RNF185: variants seen among roughly 807,000 people sequenced by gnomAD.
RNF185 encodes E3 ubiquitin-protein ligase RNF185.
A neutral mutation model predicts 24.9 loss-of-function variants in RNF185; 13 were observed. That is an observed-to-expected ratio of 0.52 (90% CI 0.34 to 0.83). The LOEUF (loss-of-function observed/expected upper bound fraction) is 0.83, where lower values mean the gene tolerates loss of function less well. Ranked by LOEUF, RNF185 falls within the 40% of genes least tolerant of loss-of-function variation. The pLI is 0.01. For missense variants in RNF185, 184 were observed against 244.7 expected (o/e 0.75, Z 1.65); for synonymous variants, 79 against 90.3 (o/e 0.88, Z 0.71).
At chr22:31,187,300 C>T (rs756388408) in intron 2 of RNF185, 30 bp downstream of exon 2, 47 of 1,610,336 alleles carry the variant, frequency 2.9e-5, no homozygotes, top group Non-Finnish European at 3.8e-5. Context: ...CCCCAGAGAG[C>T]ACATTGCCAA....
intron 1 of RNF185, among the ~76,000 whole-genome samples, chr22:31,177,170 C>A (rs1411410870): frequency 1.3e-5 from 2 of 152,104 alleles, no homozygotes; most frequent in African/African-American, 4.8e-5. Context: ...TATGTACACA[C>A]TTCTGTCAGT....
chr22:31,194,222 A>C (rs9621216), intron 3 of RNF185, among the ~76,000 whole-genome samples: 61,903 of 151,890 alleles, frequency 0.41, 13,851 homozygotes, highest in Middle Eastern at 0.57. Flanking sequence ...TAATGTAACC[A>C]GTGAAAGGGC....
At chr22:31,186,375 G>T (rs992264935) in intron 1 of RNF185, among the ~76,000 whole-genome samples, 1 of 152,168 alleles carries the variant, frequency 6.6e-6, no homozygotes, top group African/African-American at 2.4e-5. Flanking sequence ...ACTGAGGCAG[G>T]TGGATCACCT....
chr22:31,187,065 C>A lies in RNF185; in HGVS notation c.-30C>A. The A allele has an allele frequency of 6.3e-7, 1 of 1,587,078 alleles. No individual in the cohort carries two copies. Among genetic ancestry groups the A allele is most frequent in the Non-Finnish European group, 8.6e-7 (1 of 1,169,350 alleles). ...CTTTTAGGATTTCCCTGGGGAAAGT[C>A]TTCACTCAGAGCTTCGCTGACAGCC... On this transcript the variant is annotated 5_prime_UTR_variant, in exon 2 of 7. Coordinates refer to ENST00000326132, the MANE Select transcript of RNF185 (RefSeq NM_152267.4).
intron 1 of RNF185, among the ~76,000 whole-genome samples, chr22:31,176,649 C>T (rs184995710): frequency 1.2e-4 from 18 of 151,868 alleles, no homozygotes; most frequent in Middle Eastern, 3.4e-3. Context: ...CCACCATGCC[C>T]GGCTAATTTT....
chr22:31,162,916 C>T (rs1376491469), intron 1 of RNF185, among the ~76,000 whole-genome samples: 1 of 151,940 alleles, frequency 6.6e-6, no homozygotes, highest in African/African-American at 2.4e-5. Context: ...AGGCGCCCAC[C>T]CCGATGACTG....
chr22:31,203,288 A>C (rs553416269), intron 6 of RNF185, among the ~76,000 whole-genome samples: 1 of 152,308 alleles, frequency 6.6e-6, no homozygotes, highest in East Asian at 1.9e-4. Context: ...TAAAGCAGAG[A>C]GGAGTGGAGA....
At chr22:31,181,447 G>A (rs2048035656) in intron 1 of RNF185, among the ~76,000 whole-genome samples, 1 of 152,072 alleles carries the variant, frequency 6.6e-6, no homozygotes, top group African/African-American at 2.4e-5. Flanking sequence ...CAACTTCCTT[G>A]TTCTTGTTTC....
chr22:31,175,323 G>A (rs1277195989), intron 1 of RNF185, among the ~76,000 whole-genome samples: 4 of 151,608 alleles, frequency 2.6e-5, no homozygotes, highest in Admixed American at 2.0e-4. Flanking sequence ...ATGTGGTGGC[G>A]CACAGCTGTA....
At chr22:31,174,185 G>T (rs1213930378) in intron 1 of RNF185, among the ~76,000 whole-genome samples, 1 of 152,146 alleles carries the variant, frequency 6.6e-6, no homozygotes, top group African/African-American at 2.4e-5. Context: ...GGCTCAGAAA[G>T]AAAATAACTT....
chr22:31,163,650 A>T (rs886191641), intron 1 of RNF185, among the ~76,000 whole-genome samples: 10 of 123,906 alleles, frequency 8.1e-5, no homozygotes, highest in African/African-American at 3.0e-4. Flanking sequence ...TTAACTTTTT[A>T]TTTTATTTTA....
chr22:31,189,535 G>A (rs2048135448), intron 2 of RNF185, among the ~76,000 whole-genome samples: 1 of 151,228 alleles, frequency 6.6e-6, no homozygotes, highest in Admixed American at 6.6e-5. Context: ...CACCTCAAGT[G>A]ATCTGCCCAC....
At chr22:31,164,335 A>G (rs1323260089) in intron 1 of RNF185, among the ~76,000 whole-genome samples, 1 of 152,184 alleles carries the variant, frequency 6.6e-6, no homozygotes, top group South Asian at 2.1e-4. Flanking sequence ...ATAATTCACA[A>G]ACTTTCTGTA....
chr22:31,201,086 T>C (rs1175019078), intron 5 of RNF185, among the ~76,000 whole-genome samples: 1 of 152,232 alleles, frequency 6.6e-6, no homozygotes, highest in Non-Finnish European at 1.5e-5. Flanking sequence ...AGATAATGTG[T>C]AGCTTGTTTG....
intron 1 of RNF185, among the ~76,000 whole-genome samples, chr22:31,173,513 C>T (rs1205798613): frequency 6.6e-6 from 1 of 151,956 alleles, no homozygotes; most frequent in African/African-American, 2.4e-5. Context: ...GCTGGGTCTG[C>T]GCTTGACAAG....
intron 1 of RNF185, among the ~76,000 whole-genome samples, chr22:31,170,792 G>A (rs2047921272): frequency 6.6e-6 from 1 of 151,952 alleles, no homozygotes; most frequent in South Asian, 2.1e-4. Flanking sequence ...TTACAGGTGT[G>A]AGCCACCACG....
chr22:31,167,100 G>A (rs918345618), intron 1 of RNF185, among the ~76,000 whole-genome samples: 3 of 152,114 alleles, frequency 2.0e-5, no homozygotes, highest in Non-Finnish European at 4.4e-5. Context: ...TTTAAATAAG[G>A]AGCATAGATT....
chr22:31,198,319 T>C (rs1424487989), intron 5 of RNF185, among the ~76,000 whole-genome samples: 1 of 152,150 alleles, frequency 6.6e-6, no homozygotes, highest in Non-Finnish European at 1.5e-5. Context: ...AATTTGGGTT[T>C]TCCTCATCGA....
In RNF185 at chr22:31,204,491, G is replaced by C; in HGVS notation, c.484G>C (p.Val162Leu). The C allele has an allele frequency of 6.2e-7, 1 of 1,606,206 alleles. No homozygotes were observed. Among genetic ancestry groups the C allele is most frequent in the South Asian group, 1.1e-5 (1 of 90,902 alleles). The change falls in exon 7 of 7, where the codon GTC (valine) becomes CTC (leucine). Residue 162 changes from valine to leucine, a missense_variant and splice_region_variant. By Grantham distance (32) the Val-to-Leu change is conservative (BLOSUM62 1). Transcript: ENST00000326132. ...TTTTCTCCTTTCTGTCTCTCCAGCT[G>C]TCCCTGGGACACCCCAGTATGTGGA... ...NINDGRPPPAVPGTPQYVDEQ... is the reference protein window; with the variant it reads ...NINDGRPPPALPGTPQYVDEQ...
Sources: allele counts gnomAD v4.1 joint callset (sites outside exome capture counted in the v4.1 genomes callset), GRCh38; gene constraint gnomAD v4.1.1; transcripts MANE v1.5; gene names NCBI Gene and HGNC (gene_info 2026-07-23, HGNC 2026-07-21).